ADCY8: variants seen among roughly 807,000 people sequenced by gnomAD.
ADCY8 encodes adenylate cyclase 8.
In ADCY8, 51 loss-of-function variants were observed where a neutral mutation model predicts 119.7. That is an observed-to-expected ratio of 0.43 (90% CI 0.34 to 0.54). The LOEUF is 0.54. ADCY8 is among the 20% of genes least tolerant of loss of function. The probability of loss-of-function intolerance (pLI) is 0.03; values close to 1 mark genes in which losing one functional copy is unlikely to be tolerated. For synonymous variants in ADCY8, 665 were observed against 651.0 expected, an observed-to-expected ratio of 1.02 and a Z score of -0.33; for missense variants, 1,383 against 1,598.8, an observed-to-expected ratio of 0.87 and a Z score of 2.30.
At chr8:130,988,048 T>C (rs193160922) in intron 2 of ADCY8, among the ~76,000 whole-genome samples, 488 of 152,328 alleles carry the variant, frequency 3.2e-3, no homozygotes, top group African/African-American at 0.011. Context: ...AAGGATGTTA[T>C]TATTCCCATG....
chr8:130,970,090 C>T (rs6997744), intron 2 of ADCY8, among the ~76,000 whole-genome samples: 119,111 of 152,192 alleles, frequency 0.78, 50,057 homozygotes, highest in East Asian at 0.95. Context: ...ACCTAATCTG[C>T]CTACATCCAT....
intron 1 of ADCY8, among the ~76,000 whole-genome samples, chr8:130,994,521 T>TGCA (rs1317578450): frequency 2.6e-5 from 4 of 152,238 alleles, no homozygotes; most frequent in African/African-American, 9.6e-5. Flanking sequence ...GCCACATTTG[T>TGCA]ATAAGTTTAT....
At chr8:130,957,579 G>A (rs1821469040) in intron 2 of ADCY8, among the ~76,000 whole-genome samples, 1 of 152,200 alleles carries the variant, frequency 6.6e-6, no homozygotes, top group South Asian at 2.1e-4. Flanking sequence ...GGACAATGGG[G>A]AAAATGTCTC....
chr8:130,902,726 G>A (rs1349007698), intron 7 of ADCY8, among the ~76,000 whole-genome samples: 1 of 151,996 alleles, frequency 6.6e-6, no homozygotes, highest in East Asian at 1.9e-4. Flanking sequence ...GAGGTCTATG[G>A]AATTTAAAAA....
intron 17 of ADCY8, among the ~76,000 whole-genome samples, chr8:130,783,318 T>C (rs1815145325): frequency 6.6e-6 from 1 of 152,208 alleles, no homozygotes; most frequent in South Asian, 2.1e-4. Context: ...TTGAGAGCAA[T>C]ACATTGACCA....
chr8:130,855,161 T>TAA (rs1189571058), intron 9 of ADCY8, among the ~76,000 whole-genome samples: 7 of 150,634 alleles, frequency 4.6e-5, no homozygotes, highest in African/African-American at 1.7e-4. Context: ...CTTTGGGGGC[T>TAA]AAGAATTAGC....
intron 1 of ADCY8, among the ~76,000 whole-genome samples, chr8:131,019,828 TCTCTCTC>T: frequency 7.9e-6 from 1 of 127,258 alleles, no homozygotes; most frequent in South Asian, 2.9e-4. Context: ...TCTCTCTCTC[TCTCTCTC>T]TCTGTCTGTC....
chr8:130,942,531 G>A (rs1411215317), intron 4 of ADCY8, among the ~76,000 whole-genome samples: 2 of 152,176 alleles, frequency 1.3e-5, no homozygotes, highest in Non-Finnish European at 2.9e-5. Context: ...TACCTAGTAG[G>A]TGCTTAAATG....
intron 1 of ADCY8, among the ~76,000 whole-genome samples, chr8:131,003,522 A>G (rs1228839062): frequency 6.6e-6 from 1 of 152,064 alleles, no homozygotes; most frequent in Non-Finnish European, 1.5e-5. Context: ...AATCCTGCCA[A>G]CCTCTTCAGA....
At chr8:131,026,643 T>G (rs1823832928) in intron 1 of ADCY8, among the ~76,000 whole-genome samples, 1 of 152,162 alleles carries the variant, frequency 6.6e-6, no homozygotes, top group Non-Finnish European at 1.5e-5. Context: ...ATCCAAATTT[T>G]GTCAAGATCT....
chr8:130,948,888 G>A (rs1821187852), intron 3 of ADCY8, among the ~76,000 whole-genome samples: 6 of 152,016 alleles, frequency 3.9e-5, no homozygotes, highest in Admixed American at 3.9e-4. Context: ...CCTCGCAGTG[G>A]GCAGGAGACG....
Position 130,990,604 on chromosome 8 carries a change from A to C in ADCY8, c.961-62T>G, listed in dbSNP as rs1238081923. The C allele has an allele frequency of 5.1e-6, 8 of 1,569,258 alleles. No homozygotes were observed. The African/African-American group carries it at 5.5e-5, about 11-fold the overall frequency. ...AAAGCTATTTACAAGCAACAATAAA[A>C]TACACAAATAAATATGAATTTCCAA... On this transcript the variant is annotated intron_variant, in intron 1 of 17. Transcript: ENST00000286355.
intron 15 of ADCY8, among the ~76,000 whole-genome samples, chr8:130,787,362 A>C (rs983125701): frequency 6.6e-6 from 1 of 152,202 alleles, no homozygotes; most frequent in Non-Finnish European, 1.5e-5. Context: ...TAGAATCAAC[A>C]AGATTGGTGC....
intron 2 of ADCY8, among the ~76,000 whole-genome samples, chr8:130,982,799 T>C (rs961657607): frequency 6.6e-5 from 10 of 152,366 alleles, no homozygotes; most frequent in African/African-American, 2.4e-4. Context: ...AACATTCAAT[T>C]AGTTTGTAAA....
At chr8:130,808,783 G>A (rs1816065608) in intron 14 of ADCY8, among the ~76,000 whole-genome samples, 1 of 152,200 alleles carries the variant, frequency 6.6e-6, no homozygotes, top group African/African-American at 2.4e-5. Context: ...GGACTCCAAA[G>A]AGTTGGGTAA....
chr8:130,902,729 T>C (rs1586554016), intron 7 of ADCY8, among the ~76,000 whole-genome samples: 1 of 152,302 alleles, frequency 6.6e-6, no homozygotes, highest in East Asian at 1.9e-4. Context: ...GTCTATGGAA[T>C]TTAAAAATTA....
chr8:130,909,000 TC>T (rs879880708), intron 6 of ADCY8, among the ~76,000 whole-genome samples: 16,649 of 151,170 alleles, frequency 0.11, 937 homozygotes, highest in Non-Finnish European at 0.12. Context: ...TCTCTCTCTC[TC>T]TCTCTCTCTT....
At position 130,951,892 on chromosome 8, in the gene ADCY8, T is replaced by C; in HGVS notation, c.1217A>G (p.Tyr406Cys). 4 of 1,614,080 alleles carry C rather than the reference T, an allele frequency of 2.5e-6. No individual in the cohort carries two copies. Among genetic ancestry groups the C allele is most frequent in the Non-Finnish European group, 3.4e-6 (4 of 1,179,986 alleles). Residue 406 changes from tyrosine (Y) to cysteine (C), a missense_variant, in exon 3 of 18, where the codon TAC (tyrosine) becomes TGC (cysteine). Coordinates refer to ENST00000286355, the MANE Select transcript of ADCY8 (RefSeq NM_001115.3). ...CCTGACGTTCTCATAGCGATGGATGTAGATCCGATGGAACTGGTGCTGCAG... is the reference window on the plus strand; with the variant it reads ...CCTGACGTTCTCATAGCGATGGATGCAGATCCGATGGAACTGGTGCTGCAG... ...EHLQHQFHRI[Y>C]IHRYENVSIL...
At chr8:131,000,434 C>A (rs776985353) in intron 1 of ADCY8, among the ~76,000 whole-genome samples, 2 of 152,142 alleles carry the variant, frequency 1.3e-5, no homozygotes, top group Non-Finnish European at 2.9e-5. Context: ...TGGCCTCATT[C>A]TCTAATAGCT....
Sources: gnomAD v4.1 joint callset for allele counts (sites outside exome capture counted in the v4.1 genomes callset) on GRCh38, gnomAD v4.1.1 for gene constraint, MANE v1.5 for transcripts, NCBI Gene and HGNC (gene_info 2026-07-23, HGNC 2026-07-21) for gene names.